Variants in PCDH15 observed in about 807,000 individuals in gnomAD.
PCDH15 encodes the protein protocadherin related 15, also known as protocadherin-15.
Under a neutral mutation model 178.5 loss-of-function variants are expected in PCDH15, and 129 were observed. The observed-to-expected ratio is 0.72, with a 90% confidence interval of 0.63 to 0.84. The LOEUF (loss-of-function observed/expected upper bound fraction) is 0.84. PCDH15 is among the 40% of genes least tolerant of loss of function. The pLI is 0.00. For missense variants in PCDH15, 2,230 were observed against 2,099.9 expected (o/e 1.06, Z -1.21); for synonymous variants, 800 against 732.0 (o/e 1.09, Z -1.50).
At chr10:55,100,668 G>A (rs563159801) in intron 2 of PCDH15, among the ~76,000 whole-genome samples, 3 of 152,128 alleles carry the variant, frequency 2.0e-5, no homozygotes, top group South Asian at 2.1e-4. Context: ...GCTCTCATGC[G>A]AACTAATAAA....
intron 2 of PCDH15, among the ~76,000 whole-genome samples, chr10:55,435,033 G>A (rs1839006329): frequency 6.6e-6 from 1 of 152,190 alleles, no homozygotes; most frequent in Non-Finnish European, 1.5e-5. Flanking sequence ...AAATTATAAT[G>A]AGGGAAAGAT....
chr10:54,666,729 A>C (rs2135451823), intron 1 of PCDH15, among the ~76,000 whole-genome samples: 1 of 152,178 alleles, frequency 6.6e-6, no homozygotes, highest in Admixed American at 6.6e-5. Flanking sequence ...TATGTATTAG[A>C]AAACAAAATT....
At chr10:54,058,210 G>C (rs2093939190) in intron 18 of PCDH15, among the ~76,000 whole-genome samples, 2 of 151,944 alleles carry the variant, frequency 1.3e-5, no homozygotes, top group Non-Finnish European at 2.9e-5. Flanking sequence ...CATATTTTTG[G>C]GTCTCTTTCC....
chr10:55,277,342 TA>T (rs1485088678), intron 1 of PCDH15, among the ~76,000 whole-genome samples: 1 of 152,056 alleles, frequency 6.6e-6, no homozygotes, highest in Non-Finnish European at 1.5e-5. Context: ...TATACTCCCT[TA>T]AAAATAACCC....
chr10:55,547,521 CAAGGTGAGT>C (rs1841910696), intron 2 of PCDH15, among the ~76,000 whole-genome samples: 2 of 151,990 alleles, frequency 1.3e-5, no homozygotes, highest in South Asian at 4.1e-4. Context: ...ACATAGAGAG[CAAGGTGAGT>C]AAGGTGAGTG....
intron 8 of PCDH15, among the ~76,000 whole-genome samples, chr10:54,278,103 T>C (rs186439517): frequency 6.6e-6 from 1 of 151,688 alleles, no homozygotes; most frequent in East Asian, 1.9e-4. Context: ...GATAAAATAG[T>C]AATAAAAGCT....
At chr10:55,276,436 G>A (rs980454702) in intron 1 of PCDH15, among the ~76,000 whole-genome samples, 2 of 150,906 alleles carry the variant, frequency 1.3e-5, no homozygotes, top group African/African-American at 2.4e-5. Context: ...TCATGAACAT[G>A]TGTTTATATA....
chr10:54,600,582 G>A (rs1360444358), intron 2 of PCDH15: 22 of 588,270 alleles, frequency 3.7e-5, no homozygotes, highest in African/African-American at 1.1e-4. Flanking sequence ...TCAAATGGTC[G>A]AAGAGCATGA....
chr10:55,156,448 G>A (rs1479101095), intron 2 of PCDH15, among the ~76,000 whole-genome samples: 1 of 152,044 alleles, frequency 6.6e-6, no homozygotes, highest in Non-Finnish European at 1.5e-5. Flanking sequence ...GCTGATTTTT[G>A]ACCAATTGGC....
At chr10:55,102,834 TGTA>T (rs35293730) in intron 2 of PCDH15, among the ~76,000 whole-genome samples, 34,488 of 151,962 alleles carry the variant, frequency 0.23, 4,386 homozygotes, top group African/African-American at 0.33. Context: ...TGTTATATAA[TGTA>T]GTCTTATTTT....
intron 1 of PCDH15, among the ~76,000 whole-genome samples, chr10:55,243,678 T>C (rs1564926100): frequency 6.6e-6 from 1 of 152,198 alleles, no homozygotes; most frequent in Non-Finnish European, 1.5e-5. Flanking sequence ...AAATGAATAA[T>C]TAACTGACAA....
At chr10:54,540,004 G>A (rs947966822) in intron 2 of PCDH15, among the ~76,000 whole-genome samples, 1 of 152,122 alleles carries the variant, frequency 6.6e-6, no homozygotes, top group African/African-American at 2.4e-5. Context: ...GAAGAGATAT[G>A]TTAAGAGGAA....
intron 2 of PCDH15, among the ~76,000 whole-genome samples, chr10:55,605,202 G>A (rs1255781213): frequency 1.3e-5 from 2 of 151,742 alleles, no homozygotes; most frequent in Non-Finnish European, 2.9e-5. Flanking sequence ...CCAGGAAGAA[G>A]TTGAATCTCT....
intron 3 of PCDH15, among the ~76,000 whole-genome samples, chr10:54,453,398 G>GC (rs2076607193): frequency 2.0e-5 from 3 of 151,824 alleles, no homozygotes; most frequent in African/African-American, 4.8e-5. Context: ...GCAAACTATC[G>GC]CAAGGACAAA....
chr10:54,810,097 G>A (rs1398437000), intron 3 of PCDH15, among the ~76,000 whole-genome samples: 2 of 151,994 alleles, frequency 1.3e-5, no homozygotes, highest in Non-Finnish European at 2.9e-5. Flanking sequence ...GCCTCAAGAT[G>A]CTCCCCCCAA....
intron 34 of PCDH15, among the ~76,000 whole-genome samples, chr10:53,817,504 T>G (rs1289465246): frequency 6.6e-6 from 1 of 151,118 alleles, no homozygotes; most frequent in African/African-American, 2.4e-5. Flanking sequence ...TCTTTGTTTT[T>G]TTTTTCTTTT....
At chr10:54,925,160 A>G (rs1278343678) in intron 2 of PCDH15, among the ~76,000 whole-genome samples, 1 of 152,148 alleles carries the variant, frequency 6.6e-6, no homozygotes, top group Non-Finnish European at 1.5e-5. Flanking sequence ...TCTTCTGCAT[A>G]TGGCTAGCCA....
intron 1 of PCDH15, among the ~76,000 whole-genome samples, chr10:54,670,699 C>A (rs897412340): frequency 5.3e-5 from 8 of 151,906 alleles, no homozygotes; most frequent in South Asian, 4.1e-4. Flanking sequence ...GAAATTTAAT[C>A]TCCATGTTTA....
chr10:53,822,805 G>C (rs1484672299), intron 32 of PCDH15: 1 of 1,613,878 alleles, frequency 6.2e-7, no homozygotes, highest in East Asian at 2.2e-5. Context: ...GTTTCACCTT[G>C]CCTTATTTCC....
Sources: allele counts gnomAD v4.1 joint callset (sites outside exome capture counted in the v4.1 genomes callset), GRCh38; gene constraint gnomAD v4.1.1; transcripts MANE v1.5; gene names NCBI Gene and HGNC (gene_info 2026-07-23, HGNC 2026-07-21).